ENOX1: variants seen among roughly 807,000 people sequenced by gnomAD.
ENOX1 encodes candidate growth-related and time keeping constitutive hydroquinone (NADH) oxidase.
In ENOX1, 42 loss-of-function variants were observed where a neutral mutation model predicts 82.5. The ratio of observed to expected loss-of-function variants is 0.51; its 90% confidence interval spans 0.40 to 0.66. The LOEUF is 0.66. ENOX1 is among the 30% of genes least tolerant of loss of function. ENOX1 has a pLI of 0.00. For synonymous variants in ENOX1, 271 were observed against 282.2 expected, an observed-to-expected ratio of 0.96 and a Z score of 0.40; for missense variants, 608 against 811.6, an observed-to-expected ratio of 0.75 and a Z score of 3.05.
At chr13:43,620,799 T>C (rs2082691641) in intron 2 of ENOX1, among the ~76,000 whole-genome samples, 1 of 152,204 alleles carries the variant, frequency 6.6e-6, no homozygotes, top group African/African-American at 2.4e-5. Flanking sequence ...ATTGTTTCTT[T>C]GTTGACTTTC....
At chr13:43,705,054 G>A (rs1594483740) in intron 1 of ENOX1, among the ~76,000 whole-genome samples, 1 of 151,680 alleles carries the variant, frequency 6.6e-6, no homozygotes, top group East Asian at 1.9e-4. Flanking sequence ...GAAAGATATA[G>A]GTAAAAGACT....
chr13:43,535,419 C>A (rs1038977582), intron 2 of ENOX1, among the ~76,000 whole-genome samples: 1 of 152,162 alleles, frequency 6.6e-6, no homozygotes, highest in Non-Finnish European at 1.5e-5. Context: ...TCCCAGGAAG[C>A]AATGCTTGGC....
At chr13:43,706,819 T>C (rs2087325421) in intron 1 of ENOX1, among the ~76,000 whole-genome samples, 1 of 152,078 alleles carries the variant, frequency 6.6e-6, no homozygotes. Flanking sequence ...AATGCTTTTC[T>C]CCTAAAGTCA....
chr13:43,309,625 C>T (rs9316010), intron 11 of ENOX1, among the ~76,000 whole-genome samples: 145,173 of 152,280 alleles, frequency 0.95, 69,620 homozygotes, highest in East Asian at 1. Context: ...CCCCAGAGTT[C>T]GAGTGCCACA....
intron 2 of ENOX1, among the ~76,000 whole-genome samples, chr13:43,550,894 A>C (rs999974671): frequency 1.3e-5 from 2 of 152,218 alleles, no homozygotes; most frequent in African/African-American, 4.8e-5. Context: ...TACGTTATTA[A>C]GGAAAGGAGT....
At chr13:43,471,682 C>T (rs894688042) in intron 3 of ENOX1, among the ~76,000 whole-genome samples, 3 of 151,804 alleles carry the variant, frequency 2.0e-5, no homozygotes, top group South Asian at 2.1e-4. Context: ...TGGTGGCAGG[C>T]GCCTGTAGTC....
chr13:43,549,264 A>G (rs971789961), intron 2 of ENOX1, among the ~76,000 whole-genome samples: 2 of 152,248 alleles, frequency 1.3e-5, no homozygotes, highest in African/African-American at 4.8e-5. Context: ...ATATCAATGA[A>G]ACAGTCTCTA....
intron 12 of ENOX1, among the ~76,000 whole-genome samples, chr13:43,294,103 G>A (rs1286621566): frequency 2.0e-5 from 3 of 152,038 alleles, no homozygotes; most frequent in Non-Finnish European, 4.4e-5. Context: ...GTGTGAGAGA[G>A]ACTGCTCCAC....
intron 12 of ENOX1, among the ~76,000 whole-genome samples, chr13:43,277,261 G>C (rs1593665733): frequency 6.6e-6 from 1 of 152,126 alleles, no homozygotes; most frequent in South Asian, 2.1e-4. Flanking sequence ...TCATTGCTAG[G>C]CAGAAGGCAA....
intron 11 of ENOX1, chr13:43,321,156 G>T (rs1463408740): frequency 2.2e-6 from 1 of 456,114 alleles, no homozygotes; most frequent in Non-Finnish European, 4.4e-6. Context: ...TAAGGCAGTG[G>T]TTCTCAAACT....
intron 3 of ENOX1, among the ~76,000 whole-genome samples, chr13:43,470,354 G>GTATATA (rs1343682344): frequency 5.2e-5 from 2 of 38,452 alleles, no homozygotes; most frequent in African/African-American, 2.3e-4. Flanking sequence ...ATATATATAT[G>GTATATA]TATATATATA....
intron 1 of ENOX1, among the ~76,000 whole-genome samples, chr13:43,709,396 C>A (rs2087535953): frequency 6.6e-6 from 1 of 151,876 alleles, no homozygotes; most frequent in African/African-American, 2.4e-5. Context: ...TATTAAATAA[C>A]CATTACAGAA....
At chr13:43,727,478 A>G (rs548639854) in intron 1 of ENOX1, among the ~76,000 whole-genome samples, 1 of 152,304 alleles carries the variant, frequency 6.6e-6, no homozygotes, top group African/African-American at 2.4e-5. Context: ...GTTGTTCCAG[A>G]AAGTTTGTTT....
chr13:43,661,239 T>C lies in ENOX1; in HGVS notation c.-219+6240A>G, dbSNP rs568985950. On this transcript the variant is annotated intron_variant, in intron 2 of 16. Coordinates refer to ENST00000690772, the MANE Select transcript of ENOX1 (RefSeq NM_001347969.2). Reference sequence around the variant, plus strand: ...TTTGATAATGTGCAGTTTTAAGGACTATATTGCCTGGAGCAGAACTGACTT... The same window carrying C: ...TTTGATAATGTGCAGTTTTAAGGACCATATTGCCTGGAGCAGAACTGACTT... Among the ~76,000 whole-genome samples, 94 of 152,224 alleles carry C rather than the reference T, an allele frequency of 6.2e-4. 1 individual carries two copies. The highest frequency in any genetic ancestry group is 9.3e-4 in the Non-Finnish European group (63 of 68,038).
intron 2 of ENOX1, among the ~76,000 whole-genome samples, chr13:43,656,529 A>C (rs1394470961): frequency 2.0e-5 from 3 of 152,244 alleles, no homozygotes; most frequent in South Asian, 2.1e-4. Flanking sequence ...CAGAAGATGA[A>C]TCGGGAAGAG....
chr13:43,506,091 G>A (rs2077150146), intron 2 of ENOX1, among the ~76,000 whole-genome samples: 1 of 151,950 alleles, frequency 6.6e-6, no homozygotes, highest in South Asian at 2.1e-4. Context: ...TGACGGCTCT[G>A]TTCTCTTCCA....
chr13:43,449,201 G>A (rs959925725), intron 3 of ENOX1, among the ~76,000 whole-genome samples: 5 of 152,130 alleles, frequency 3.3e-5, no homozygotes, highest in Admixed American at 1.3e-4. Context: ...ATTATTTCAC[G>A]CACATTTCCC....
chr13:43,618,116 G>T (rs747077882), intron 2 of ENOX1, among the ~76,000 whole-genome samples: 22 of 152,068 alleles, frequency 1.4e-4, no homozygotes, highest in Admixed American at 1.4e-3. Flanking sequence ...GTAGATTCTG[G>T]ACATTTGTCA....
intron 1 of ENOX1, among the ~76,000 whole-genome samples, chr13:43,770,309 G>C (rs764184194): frequency 6.6e-6 from 1 of 152,198 alleles, no homozygotes; most frequent in Non-Finnish European, 1.5e-5. Flanking sequence ...AGGAGTAAAA[G>C]AAGAGAAGCT....
Sources: allele counts gnomAD v4.1 joint callset (sites outside exome capture counted in the v4.1 genomes callset), GRCh38; gene constraint gnomAD v4.1.1; transcripts MANE v1.5; gene names NCBI Gene and HGNC (gene_info 2026-07-23, HGNC 2026-07-21).